Variants in MPZ observed in about 807,000 individuals in gnomAD.
The protein encoded by MPZ is myelin protein P0.
In MPZ, 13 loss-of-function variants were observed where a neutral mutation model predicts 27.9. The observed-to-expected ratio is 0.47, with a 90% confidence interval of 0.30 to 0.74. The LOEUF (loss-of-function observed/expected upper bound fraction) is 0.74, where lower values mean the gene tolerates loss of function less well. Among genes scored for constraint, MPZ ranks in the 30% least tolerant of loss-of-function variants. The probability of loss-of-function intolerance (pLI) is 0.06; values close to 1 mark genes in which losing one functional copy is unlikely to be tolerated. For synonymous variants in MPZ, 118 were observed against 128.9 expected, an observed-to-expected ratio of 0.92 and a Z score of 0.57; for missense variants, 256 against 317.5, an observed-to-expected ratio of 0.81 and a Z score of 1.47.
downstream of MPZ, among the ~76,000 whole-genome samples, chr1:161,304,111 A>C: frequency 6.6e-6 from 1 of 152,210 alleles, no homozygotes; most frequent in East Asian, 1.9e-4. Flanking sequence ...CTAGCTAATG[A>C]GGTATTAATA....
intron 1 of MPZ, among the ~76,000 whole-genome samples, chr1:161,309,064 C>A (rs1420081496): frequency 6.6e-6 from 1 of 152,212 alleles, no homozygotes; most frequent in East Asian, 1.9e-4. Flanking sequence ...CCTGCTTTGA[C>A]CTCTTACTCA....
rs779164418 is a variant in MPZ at position 161,305,977 on chromosome 1, T to C, written c.646A>G (p.Thr216Ala). Residue 216 changes from threonine (T) to alanine (A), a missense_variant and splice_region_variant, in exon 6 of 6, where the codon ACG becomes GCG. By Grantham distance (58) the Thr-to-Ala change is moderately conservative. Transcript: ENST00000533357. ...TCCAGCATTGCATACAGCACTGGCGTCTGGGGGAGGGGCGCACACATCAGT... is the reference window on the plus strand; with the variant it reads ...TCCAGCATTGCATACAGCACTGGCGCCTGGGGGAGGGGCGCACACATCAGT... ...GKDASKRGRQ[T>A]PVLYAMLDHS... is the part of the protein sequence containing the mutation. The C allele has an allele frequency of 1.2e-6, 2 of 1,613,764 alleles. No individual in the cohort carries two copies. The highest frequency in any genetic ancestry group is 1.3e-5 in the African/African-American group (1 of 74,862).
At chr1:161,307,525 AG>A (rs1275134607) in intron 1 of MPZ, 101 bp from the exon 2 acceptor site, 112 of 1,378,956 alleles carry the variant, frequency 8.1e-5, no homozygotes, top group Non-Finnish European at 1.1e-4. Flanking sequence ...CACAGGTCAG[AG>A]GCCAATTTGG....
At chr1:161,308,280 C>T (rs904538154) in intron 1 of MPZ, among the ~76,000 whole-genome samples, 2 of 152,176 alleles carry the variant, frequency 1.3e-5, no homozygotes, top group African/African-American at 2.4e-5. Flanking sequence ...ATACCCCTCT[C>T]AGCTGGGTGC....
chr1:161,306,433 A>AG lies in MPZ; in HGVS notation c.479dup (p.Val161CysfsTer74). ...CCACCCCGAGGACACCCCCGATCAC[A>AG]GCTCCCAGAACGACCCCGTACCTAG... is the stretch of plus-strand genomic sequence containing the variant. On this transcript the variant is annotated frameshift_variant, in exon 4 of 6. Coordinates refer to ENST00000533357, the MANE Select transcript of MPZ (RefSeq NM_000530.8). LOFTEE classifies it high-confidence loss of function. 6.2e-7 allele frequency: 1 copy of AG among 1,614,166 alleles called. No homozygotes were observed. Among genetic ancestry groups the AG allele is most frequent in the Non-Finnish European group, 8.5e-7 (1 of 1,180,034 alleles).
rs750756212 is a variant in MPZ at position 161,305,980 on chromosome 1, G to C, written c.646-3C>G. On this transcript the variant is annotated splice_region_variant and splice_polypyrimidine_tract_variant and intron_variant, in intron 5 of 5. Coordinates refer to ENST00000533357, the MANE Select transcript of MPZ (RefSeq NM_000530.8). ...AGCATTGCATACAGCACTGGCGTCT[G>C]GGGGAGGGGCGCACACATCAGTCAC... 1.2e-6 allele frequency: 2 copies of C among 1,613,576 alleles called. No homozygotes were observed. Among genetic ancestry groups the C allele is most frequent in the Non-Finnish European group, 1.7e-6 (2 of 1,179,550 alleles).
At position 161,307,384 on chromosome 1, in the gene MPZ, C is replaced by T; in HGVS notation, c.108G>A (p.Arg36=). ...PAQAIVVYTD[R]EVHGAVGSRV... ...GGGAGCCCACAGCACCATGGACCTC[C>T]CTGTCGGTGTAAACCACGATGGCCT... is the stretch of plus-strand genomic sequence containing the variant. Residue 36 remains arginine, a synonymous_variant, in exon 2 of 6, where the codon AGG becomes AGA. Transcript: ENST00000533357. 6.2e-7 allele frequency: 1 copy of T among 1,614,270 alleles called. No homozygotes were observed. Among genetic ancestry groups the T allele is most frequent in the Non-Finnish European group, 8.5e-7 (1 of 1,180,054 alleles).
Position 161,304,899 on chromosome 1 carries a change from T to C in MPZ, c.*977A>G, listed in dbSNP as rs1253056694. On this transcript the variant is annotated 3_prime_UTR_variant, in exon 6 of 6. Coordinates refer to ENST00000533357, the MANE Select transcript of MPZ (RefSeq NM_000530.8). ...TTTGTTTTTCCTGCTTTTTGTTTGG[T>C]TGTTTAAAAACCATTTCTTAAGGCT... 1 of 139,414 alleles carries C rather than the reference T, an allele frequency of 7.2e-6. No individual in the cohort carries two copies. The highest frequency in any genetic ancestry group is 2.6e-5 in the African/African-American group (1 of 38,244). 8.6% of individuals were successfully genotyped at this position (139,414 alleles called of 1,614,324 possible).
chr1:161,305,290 C>T lies in MPZ; in HGVS notation c.*586G>A, dbSNP rs1450448563. ...TTAGCTGGGGGGACAGAGTATGGAG[C>T]TGGGCCACCTGGTAGAGGGGAGGGA... On this transcript the variant is annotated 3_prime_UTR_variant, in exon 6 of 6. Coordinates refer to ENST00000533357, the MANE Select transcript of MPZ (RefSeq NM_000530.8). 2 of 155,802 alleles carry T rather than the reference C, an allele frequency of 1.3e-5. No individual in the cohort carries two copies. The highest frequency in any genetic ancestry group is 4.8e-5 in the African/African-American group (2 of 41,278). 9.7% of individuals were successfully genotyped at this position (155,802 alleles called of 1,614,324 possible).
intron 1 of MPZ, among the ~76,000 whole-genome samples, chr1:161,308,613 C>T (rs1359516654): frequency 6.6e-6 from 1 of 152,206 alleles, no homozygotes; most frequent in Non-Finnish European, 1.5e-5. Context: ...ATGTACTTAC[C>T]TTCTGGAACT....
At chr1:161,309,069 TACTC>T (rs1447103006) in intron 1 of MPZ, among the ~76,000 whole-genome samples, 2 of 152,202 alleles carry the variant, frequency 1.3e-5, no homozygotes, top group Non-Finnish European at 2.9e-5. Flanking sequence ...TTTGACCTCT[TACTC>T]ACCCAACATC....
rs1670250189 is a variant in MPZ at position 161,306,456 on chromosome 1, T to G, written c.457A>C (p.Arg153=). The change falls in exon 4 of 6, where the codon AGG becomes CGG. Residue 153 remains arginine, a synonymous_variant. Coordinates refer to ENST00000533357, the MANE Select transcript of MPZ (RefSeq NM_000530.8). The stretch of plus-strand genomic sequence containing the variant: ...ACAGCTCCCAGAACGACCCCGTACC[T>G]AGTTGGCACTAGGAGGGGTGGGAAA... ...TLYVFEKVPT[R]YGVVLGAVIG... 6.2e-7 allele frequency: 1 copy of G among 1,614,050 alleles called. No homozygotes were observed. Among genetic ancestry groups the G allele is most frequent in the Non-Finnish European group, 8.5e-7 (1 of 1,180,030 alleles).
chr1:161,308,872 C>G (rs546604499), intron 1 of MPZ, among the ~76,000 whole-genome samples: 1 of 152,194 alleles, frequency 6.6e-6, no homozygotes, highest in African/African-American at 2.4e-5. Flanking sequence ...AGGGTACCCC[C>G]AAATAGCCCA....
chr1:161,309,788 C>T, intron 1 of MPZ, 51 bp downstream of exon 1: 1 of 1,450,184 alleles, frequency 6.9e-7, no homozygotes. Context: ...GTGGGGATTG[C>T]TGAGAGACAC....
chr1:161,306,498 G>A (rs780870422), intron 3 of MPZ, 34 bp from the exon 4 acceptor site: 5 of 1,613,942 alleles, frequency 3.1e-6, no homozygotes, highest in African/African-American at 1.3e-5. Context: ...GGGAGAATGA[G>A]CAGGGCCCTG....
Position 161,309,925 on chromosome 1 carries a change from G to GCAGGGT in MPZ, c.-21_-20insACCCTG, listed in dbSNP as rs1558155889. 3 of 1,572,086 alleles carry GCAGGGT rather than the reference G, an allele frequency of 1.9e-6. No homozygotes were observed. On this transcript the variant is annotated 5_prime_UTR_variant, in exon 1 of 6. Transcript: ENST00000533357. ...AGCCATAGCTGGGGCAGGGGCAGGGGCCCGGAGCATCTGTGGGGTTGAGAA... is the reference window on the plus strand; with the variant it reads ...AGCCATAGCTGGGGCAGGGGCAGGGGCAGGGTCCCGGAGCATCTGTGGGGTTGAGAA...
In MPZ at chr1:161,305,672, G is replaced by C; in HGVS notation, c.*204C>G. 7 of 591,706 alleles carry C rather than the reference G, an allele frequency of 1.2e-5. No homozygotes were observed. The highest frequency in any genetic ancestry group is 2.1e-5 in the South Asian group (1 of 48,000). 36.7% of individuals were successfully genotyped at this position (591,706 alleles called of 1,614,324 possible). A position where few individuals can be genotyped will look rare whatever the true frequency, so the allele number is the denominator to read the frequency against. On this transcript the variant is annotated 3_prime_UTR_variant, in exon 6 of 6. Transcript: ENST00000533357. ...CCCTGCTCTGGCAGGGCCTGGGGTG[G>C]GGGGGTGGCGATCACTTGTCCGAGT...
chr1:161,305,489 G>C lies in MPZ; in HGVS notation c.*387C>G, dbSNP rs1670210350. On this transcript the variant is annotated 3_prime_UTR_variant, in exon 6 of 6. Transcript: ENST00000533357. The stretch of plus-strand genomic sequence containing the variant: ...AGGTGAGGGGTAGGATTAGCTCCTG[G>C]GCTCCCAGAAAGCCAGGGGTGAAGG... The C allele has an allele frequency of 4.3e-6, 1 of 233,144 alleles. No homozygotes were observed. Among genetic ancestry groups the C allele is most frequent in the African/African-American group, 2.3e-5 (1 of 43,524 alleles). 14.4% of individuals were successfully genotyped at this position (233,144 alleles called of 1,614,324 possible). A position where few individuals can be genotyped will look rare whatever the true frequency, so the allele number is the denominator to read the frequency against.
chr1:161,303,870 A>T (rs10081966), downstream of MPZ, among the ~76,000 whole-genome samples: 96,132 of 151,538 alleles, frequency 0.63, 30,861 homozygotes, highest in East Asian at 0.73. Context: ...GATTTTTTTT[A>T]AAAGACATTG....
Sources: allele counts gnomAD v4.1 joint callset (sites outside exome capture counted in the v4.1 genomes callset), GRCh38; gene constraint gnomAD v4.1.1; transcripts MANE v1.5; gene names NCBI Gene and HGNC (gene_info 2026-07-23, HGNC 2026-07-21).